The following ACCSL variants were observed in gnomAD, a reference collection of about 807,000 sequenced individuals.
The protein encoded by ACCSL is 1-aminocyclopropane-1-carboxylate synthase homolog (inactive) like, also known as probable inactive 1-aminocyclopropane-1-carboxylate synthase-like protein 2.
In ACCSL, 55 loss-of-function variants were observed where a neutral mutation model predicts 61.7. The observed-to-expected ratio is 0.89, with a 90% CI of 0.72 to 1.12. The LOEUF is 1.12. ACCSL is among the 50% of genes most tolerant of loss of function. ACCSL has a pLI of 0.00. For synonymous variants in ACCSL, 258 were observed against 264.3 expected (o/e 0.98, Z 0.23); for missense variants, 632 against 698.0 (o/e 0.91, Z 1.07).
the ACCSL span, among the ~76,000 whole-genome samples, chr11:44,036,087 C>T: frequency 6.6e-6 from 1 of 152,212 alleles, no homozygotes; most frequent in South Asian, 2.1e-4. Context: ...TTGAGCCAGA[C>T]TGTTCCCCAG....
chr11:44,009,807 C>A, the ACCSL span, among the ~76,000 whole-genome samples: 1 of 152,006 alleles, frequency 6.6e-6, no homozygotes, highest in Non-Finnish European at 1.5e-5. Context: ...GAATGAGAAC[C>A]AATTGTGCAT....
chr11:43,951,189 G>T, the ACCSL span, among the ~76,000 whole-genome samples: 3 of 152,316 alleles, frequency 2.0e-5, no homozygotes, highest in South Asian at 6.2e-4. Flanking sequence ...AGAAAGTCAG[G>T]AGAGATAGAA....
chr11:44,042,750 C>G, the ACCSL span, among the ~76,000 whole-genome samples: 1 of 151,968 alleles, frequency 6.6e-6, no homozygotes, highest in Admixed American at 6.6e-5. Context: ...AGGCCCAACC[C>G]CATCCTGGTC....
chr11:43,940,026 T>C, the ACCSL span, among the ~76,000 whole-genome samples: 1 of 152,244 alleles, frequency 6.6e-6, no homozygotes, highest in African/African-American at 2.4e-5. Flanking sequence ...CCATTGCCTC[T>C]ACCCTAATCC....
Position 44,049,774 on chromosome 11 carries a change from T to C in ACCSL, c.505-288T>C, listed in dbSNP as rs12225703. Among the ~76,000 whole-genome samples, 827 of 152,338 alleles carry C rather than the reference T, an allele frequency of 5.4e-3. 7 individuals are homozygous for C. Among genetic ancestry groups the C allele is most frequent in the East Asian group, 0.032 (168 of 5,184 alleles). On this transcript the variant is annotated intron_variant, in intron 1 of 13. Transcript: ENST00000378832. ...AAACTGGATTATATAGAACCTTCTT[T>C]TCAGGAATTAAGACAACTCACAAGA... is the stretch of plus-strand genomic sequence containing the variant.
chr11:43,930,759 T>C, the ACCSL span, among the ~76,000 whole-genome samples: 2 of 152,284 alleles, frequency 1.3e-5, no homozygotes, highest in African/African-American at 4.8e-5. Flanking sequence ...TTAAAAATTG[T>C]TTTTAGCTCC....
chr11:43,988,022 T>A, the ACCSL span, among the ~76,000 whole-genome samples: 1 of 151,926 alleles, frequency 6.6e-6, no homozygotes, highest in Non-Finnish European at 1.5e-5. Flanking sequence ...TTAGAGCTGC[T>A]TTTTCCCACC....
the ACCSL span, among the ~76,000 whole-genome samples, chr11:43,980,808 A>G: frequency 6.6e-6 from 1 of 152,098 alleles, no homozygotes; most frequent in South Asian, 2.1e-4. Context: ...CTTTACATGA[A>G]TTATCTCATT....
the ACCSL span, among the ~76,000 whole-genome samples, chr11:43,969,915 T>G: frequency 6.6e-6 from 1 of 151,982 alleles, no homozygotes; most frequent in African/African-American, 2.4e-5. Flanking sequence ...CCATCAGATC[T>G]CTCTCCCCTA....
the ACCSL span, among the ~76,000 whole-genome samples, chr11:43,922,996 T>A: frequency 9.2e-5 from 14 of 152,216 alleles, no homozygotes; most frequent in Non-Finnish European, 1.5e-5. Flanking sequence ...CTAGCTCGGG[T>A]GGCATTGACA....
chr11:44,027,835 CA>C, the ACCSL span, among the ~76,000 whole-genome samples: 13 of 152,154 alleles, frequency 8.5e-5, no homozygotes, highest in Non-Finnish European at 1.8e-4. Flanking sequence ...TAGGACAAGG[CA>C]TATATATAAT....
the ACCSL span, among the ~76,000 whole-genome samples, chr11:44,021,449 C>A: frequency 6.6e-6 from 1 of 152,060 alleles, no homozygotes. Context: ...CCTTTGTCCA[C>A]TTTTTGATGG....
the ACCSL span, among the ~76,000 whole-genome samples, chr11:43,935,257 C>T: frequency 1.4e-3 from 209 of 151,330 alleles, 7 homozygotes; most frequent in East Asian, 0.034. Context: ...CGCACACACA[C>T]GCATACACAC....
chr11:43,962,094 C>T, the ACCSL span, among the ~76,000 whole-genome samples: 1 of 152,148 alleles, frequency 6.6e-6, no homozygotes, highest in Admixed American at 6.5e-5. Flanking sequence ...TAACATCTCT[C>T]CCCCTCCCTC....
Position 44,058,576 on chromosome 11 carries a change from C to T in ACCSL, c.1501C>T (p.Arg501Trp), listed in dbSNP as rs377170317. Residue 501 changes from arginine to tryptophan, a missense_variant, in exon 13 of 14, where the codon CGG becomes TGG. Physicochemically the swap from Arg to Trp is moderately radical, Grantham distance 101 (BLOSUM62 -3). Transcript: ENST00000378832. ...GGATCCCTGTACATTTGAAGAAGAA[C>T]GGCTCCTCTATTGCCGCTTCCTGGA... ...YLDPCTFEEE[R>W]LLYCRFLDNK... 4.9e-5 allele frequency: 79 copies of T among 1,613,954 alleles called. No individual in the cohort carries two copies. The highest frequency in any genetic ancestry group is 1.6e-4 in the Middle Eastern group (1 of 6,082).
At chr11:44,057,248 T>C (rs1489849098) in intron 11 of ACCSL, among the ~76,000 whole-genome samples, 1 of 152,210 alleles carries the variant, frequency 6.6e-6, no homozygotes, top group Non-Finnish European at 1.5e-5. Context: ...TTCCCTGTAA[T>C]AGAACAGATA....
In ACCSL at chr11:44,055,971, C is replaced by T. The variant is rs1408855077; in HGVS notation, c.1140-69C>T. 1.0e-5 allele frequency: 16 copies of T among 1,586,100 alleles called. No individual in the cohort carries two copies. In the East Asian group the frequency reaches 3.1e-4, roughly 31 times the overall value. On this transcript the variant is annotated intron_variant, in intron 9 of 13. Transcript: ENST00000378832. ...GGACCAACCTCAAATCTACTTTCCC[C>T]TCTTATACCCCAAATCTTCATCAAC...
chr11:43,943,343 G>T, the ACCSL span: 4 of 1,405,714 alleles, frequency 2.8e-6, no homozygotes, highest in Non-Finnish European at 3.7e-6. This position sits in a 1 kb window ranked among gnomAD's most constrained non-coding sequence, Gnocchi z 4.8. Context: ...AACCCCGAGA[G>T]TGCCCGCGCC....
At chr11:44,052,203 C>T (rs149030097) in intron 5 of ACCSL, among the ~76,000 whole-genome samples, 1,754 of 152,382 alleles carry the variant, frequency 0.012, 12 homozygotes, top group Non-Finnish European at 0.018. Context: ...AGTCCCTTTC[C>T]TGCAAAGGAG....
Sources: allele counts gnomAD v4.1 joint callset (sites outside exome capture counted in the v4.1 genomes callset), GRCh38; gene constraint gnomAD v4.1.1; non-coding constraint Gnocchi (gnomAD v3.1); transcripts MANE v1.5; gene names NCBI Gene and HGNC (gene_info 2026-07-23, HGNC 2026-07-21).